Variants in NTM observed in about 807,000 individuals in gnomAD.
NTM encodes the protein neurotrimin.
Under a neutral mutation model 42.1 loss-of-function variants are expected in NTM, and 13 were observed. That is an observed-to-expected ratio of 0.31 (90% CI 0.20 to 0.49). NTM has a LOEUF of 0.49. Ranked by LOEUF, NTM falls within the 20% of genes least tolerant of loss-of-function variation. The pLI is 0.99. For missense variants in NTM, 373 were observed against 452.8 expected, an observed-to-expected ratio of 0.82 and a Z score of 1.60; for synonymous variants, 187 against 179.2, an observed-to-expected ratio of 1.04 and a Z score of -0.35.
chr11:131,683,821 C>G (rs1054096068), intron 1 of NTM, among the ~76,000 whole-genome samples: 30 of 152,138 alleles, frequency 2.0e-4, no homozygotes, highest in Non-Finnish European at 1.8e-4. Flanking sequence ...TGTCCTTTGT[C>G]ATTGGAGCTG....
chr11:132,172,160 G>C (rs1238962163), intron 3 of NTM, among the ~76,000 whole-genome samples: 1 of 152,326 alleles, frequency 6.6e-6, no homozygotes, highest in East Asian at 1.9e-4. Context: ...GGTCCAAACA[G>C]CTATTGTTGA....
intron 1 of NTM, among the ~76,000 whole-genome samples, chr11:131,897,457 GA>G (rs1190696857): frequency 6.6e-6 from 1 of 152,212 alleles, no homozygotes; most frequent in Non-Finnish European, 1.5e-5. Context: ...TCACTGTACA[GA>G]GATGGTATCT....
chr11:132,246,271 G>T (rs2139301764), intron 4 of NTM, among the ~76,000 whole-genome samples: 1 of 152,366 alleles, frequency 6.6e-6, no homozygotes, highest in Non-Finnish European at 1.5e-5. Flanking sequence ...GGGTGTGAAT[G>T]CCTGTGCGCG....
At chr11:132,192,745 C>T (rs113457954) in intron 3 of NTM, among the ~76,000 whole-genome samples, 1,694 of 152,042 alleles carry the variant, frequency 0.011, 20 homozygotes, top group Middle Eastern at 0.031. Flanking sequence ...AGTCTGCTGC[C>T]GTTGAGAGAT....
At chr11:132,315,979 A>C (rs1194860856) in intron 7 of NTM, among the ~76,000 whole-genome samples, 1 of 151,826 alleles carries the variant, frequency 6.6e-6, no homozygotes, top group Non-Finnish European at 1.5e-5. Context: ...ATGAACAGAG[A>C]CCAGGATTAG....
At chr11:131,779,052 G>A (rs2087574840) in intron 1 of NTM, among the ~76,000 whole-genome samples, 2 of 152,330 alleles carry the variant, frequency 1.3e-5, no homozygotes, top group African/African-American at 4.8e-5. Flanking sequence ...GCACCATTGT[G>A]GACTGCCGAT....
At chr11:131,415,103 G>C (rs1485395343) in intron 1 of NTM, among the ~76,000 whole-genome samples, 1 of 152,198 alleles carries the variant, frequency 6.6e-6, no homozygotes, top group African/African-American at 2.4e-5. Flanking sequence ...GCCATCTGGA[G>C]AGATAATAAA....
chr11:131,698,276 A>AC (rs2075691840), intron 1 of NTM, among the ~76,000 whole-genome samples: 1 of 152,010 alleles, frequency 6.6e-6, no homozygotes, highest in African/African-American at 2.4e-5. Flanking sequence ...CAGAAGGTGT[A>AC]CCCCCCACCC....
chr11:132,168,979 G>A (rs1170873098), intron 3 of NTM, among the ~76,000 whole-genome samples: 1 of 150,898 alleles, frequency 6.6e-6, no homozygotes, highest in Non-Finnish European at 1.5e-5. Flanking sequence ...CAAAACTATC[G>A]AGTAGGCAAA....
chr11:132,042,043 C>T (rs1182475653), intron 2 of NTM, among the ~76,000 whole-genome samples: 1 of 152,196 alleles, frequency 6.6e-6, no homozygotes, highest in Non-Finnish European at 1.5e-5. Flanking sequence ...GAAGGCCTGG[C>T]ATTCTATTGA....
intron 1 of NTM, among the ~76,000 whole-genome samples, chr11:131,446,008 G>T (rs1950028008): frequency 6.6e-6 from 1 of 152,142 alleles, no homozygotes; most frequent in South Asian, 2.1e-4. Flanking sequence ...GAAATCAATT[G>T]CCCACCCCAT....
At chr11:131,907,085 A>G (rs2053971831) in intron 1 of NTM, among the ~76,000 whole-genome samples, 1 of 150,182 alleles carries the variant, frequency 6.7e-6, no homozygotes, top group African/African-American at 2.5e-5. Context: ...TGCATTTCCC[A>G]TCTTCTCGCC....
intron 2 of NTM, among the ~76,000 whole-genome samples, chr11:131,965,543 T>A (rs1404695617): frequency 6.6e-6 from 1 of 152,230 alleles, no homozygotes; most frequent in Non-Finnish European, 1.5e-5. Flanking sequence ...ACATAATATT[T>A]AGACTAATTG....
chr11:132,172,603 C>T (rs1009641295), intron 3 of NTM, among the ~76,000 whole-genome samples: 1 of 152,170 alleles, frequency 6.6e-6, no homozygotes, highest in Non-Finnish European at 1.5e-5. Context: ...GAAAGGCTCG[C>T]CATGATTCAT....
At chr11:131,501,581 A>C (rs1315361155) in intron 1 of NTM, among the ~76,000 whole-genome samples, 1 of 152,142 alleles carries the variant, frequency 6.6e-6, no homozygotes, top group Non-Finnish European at 1.5e-5. Context: ...ATATGTTCAA[A>C]AGGTCAGGCT....
At chr11:131,741,503 A>T (rs2081200921) in intron 1 of NTM, among the ~76,000 whole-genome samples, 1 of 152,234 alleles carries the variant, frequency 6.6e-6, no homozygotes, top group South Asian at 2.1e-4. Flanking sequence ...ATGCCTTCTT[A>T]TTCACTCTGG....
intron 1 of NTM, among the ~76,000 whole-genome samples, chr11:131,856,157 T>C (rs929808711): frequency 1.1e-5 from 1 of 94,882 alleles, no homozygotes; most frequent in Non-Finnish European, 2.0e-5. Flanking sequence ...ACGGTCTTAG[T>C]TTCCTCATCA....
At chr11:131,853,965 C>A (rs376560763) in intron 1 of NTM, among the ~76,000 whole-genome samples, 2 of 152,142 alleles carry the variant, frequency 1.3e-5, no homozygotes, top group Non-Finnish European at 2.9e-5. Flanking sequence ...TTATTTTTGG[C>A]ATAATTTTCT....
intron 2 of NTM, among the ~76,000 whole-genome samples, chr11:132,114,939 T>C (rs1331053118): frequency 6.6e-6 from 1 of 152,206 alleles, no homozygotes; most frequent in Non-Finnish European, 1.5e-5. Flanking sequence ...GGATAGTGAT[T>C]TCATTTTCTT....
Sources: allele counts gnomAD v4.1 joint callset (sites outside exome capture counted in the v4.1 genomes callset), GRCh38; gene constraint gnomAD v4.1.1; transcripts MANE v1.5; gene names NCBI Gene and HGNC (gene_info 2026-07-23, HGNC 2026-07-21).